RNGTT: variants seen among roughly 807,000 people sequenced by gnomAD.
RNGTT encodes mRNA-capping enzyme.
Under a neutral mutation model 79.3 loss-of-function variants are expected in RNGTT, and 33 were observed. The ratio of observed to expected loss-of-function variants is 0.42; its 90% CI spans 0.32 to 0.56. The LOEUF is 0.56. Among genes scored for constraint, RNGTT ranks in the 20% least tolerant of loss-of-function variants. The pLI is 0.17. For synonymous variants in RNGTT, 222 were observed against 235.9 expected (o/e 0.94, Z 0.54); for missense variants, 497 against 739.1 (o/e 0.67, Z 3.80).
chr6:88,817,573 C>T lies in RNGTT; in HGVS notation c.1270-15941G>A, dbSNP rs139241088. The stretch of plus-strand genomic sequence containing the variant: ...TATACACACAACACATACGTGTACA[C>T]ACACACACTCATATTCTCCAACTAT... On this transcript the variant is annotated intron_variant, in intron 11 of 15. Coordinates refer to ENST00000369485, the MANE Select transcript of RNGTT (RefSeq NM_003800.5). Among the ~76,000 whole-genome samples the T allele has an allele frequency of 2.0e-5, 3 of 147,748 alleles. No homozygotes were observed. In the East Asian group the frequency reaches 5.9e-4, roughly 29 times the overall value.
At chr6:88,646,646 T>C (rs979828603) in intron 14 of RNGTT, among the ~76,000 whole-genome samples, 13 of 152,190 alleles carry the variant, frequency 8.5e-5, no homozygotes, top group Admixed American at 6.5e-5. Flanking sequence ...ATATACACCA[T>C]GGAATACTAT....
chr6:88,615,869 G>C lies in RNGTT; in HGVS notation c.1507-1474C>G, dbSNP rs138943360. Among the ~76,000 whole-genome samples, 13 of 152,230 alleles carry C rather than the reference G, an allele frequency of 8.5e-5. No individual in the cohort carries two copies. The East Asian group carries it at 2.5e-3, about 29-fold the overall frequency. ...AATGAAACATTGCTTTTTAAAATCTGTGGTAAAAAAACATTGAATTTTCCA... is the reference window on the plus strand; with the variant it reads ...AATGAAACATTGCTTTTTAAAATCTCTGGTAAAAAAACATTGAATTTTCCA... On this transcript the variant is annotated intron_variant, in intron 14 of 15. Transcript: ENST00000369485.
chr6:88,679,305 T>A (rs1774999739), intron 13 of RNGTT, among the ~76,000 whole-genome samples: 1 of 152,134 alleles, frequency 6.6e-6, no homozygotes, highest in Non-Finnish European at 1.5e-5. Flanking sequence ...TAGATGGGAT[T>A]TGGGATTAGC....
chr6:88,731,108 CAG>C, intron 13 of RNGTT, among the ~76,000 whole-genome samples: 1 of 152,004 alleles, frequency 6.6e-6, no homozygotes, highest in East Asian at 1.9e-4. Context: ...AGCTACAACA[CAG>C]AGACTCTATT....
Position 88,941,200 on chromosome 6 carries a change from A to C in RNGTT, c.65-20T>G. On this transcript the variant is annotated intron_variant, in intron 1 of 15. Coordinates refer to ENST00000369485, the MANE Select transcript of RNGTT (RefSeq NM_003800.5). ...ATCTTCCTAAACAACACAGATAGGTAATCATTTCCATAAAAGGAAATGTTT... is the reference window on the plus strand; with the variant it reads ...ATCTTCCTAAACAACACAGATAGGTCATCATTTCCATAAAAGGAAATGTTT... The C allele has an allele frequency of 7.3e-7, 1 of 1,366,972 alleles. No homozygotes were observed. Among genetic ancestry groups the C allele is most frequent in the East Asian group, 2.3e-5 (1 of 43,556 alleles). 84.7% of individuals were successfully genotyped at this position (1,366,972 alleles called of 1,614,324 possible).
intron 11 of RNGTT, among the ~76,000 whole-genome samples, chr6:88,835,313 A>T (rs1781026205): frequency 6.6e-6 from 1 of 152,128 alleles, no homozygotes; most frequent in Non-Finnish European, 1.5e-5. Flanking sequence ...GATTCTTTGC[A>T]TGTTCTTTCA....
intron 11 of RNGTT, among the ~76,000 whole-genome samples, chr6:88,806,761 T>C (rs1166044594): frequency 2.0e-5 from 3 of 152,182 alleles, no homozygotes; most frequent in South Asian, 4.1e-4. Flanking sequence ...CCAAGGAATA[T>C]AAATCATTCT....
At chr6:88,635,142 A>C (rs1773053203) in intron 14 of RNGTT, among the ~76,000 whole-genome samples, 1 of 152,088 alleles carries the variant, frequency 6.6e-6, no homozygotes, top group Admixed American at 6.6e-5. Flanking sequence ...GGCAAAAATA[A>C]ACACAGAAGC....
intron 13 of RNGTT, among the ~76,000 whole-genome samples, chr6:88,692,502 T>C (rs1775518807): frequency 1.3e-5 from 2 of 150,604 alleles, no homozygotes; most frequent in South Asian, 4.2e-4. Context: ...ATGAATGTAA[T>C]ATTGAAAGAA....
chr6:88,680,742 C>CAA (rs34670490), intron 13 of RNGTT, among the ~76,000 whole-genome samples: 68 of 80,914 alleles, frequency 8.4e-4, no homozygotes, highest in East Asian at 2.7e-3. Flanking sequence ...AACTCTATCT[C>CAA]AAAAAAAAAA....
intron 12 of RNGTT, among the ~76,000 whole-genome samples, chr6:88,782,850 T>G (rs1239025188): frequency 6.6e-6 from 1 of 152,140 alleles, no homozygotes; most frequent in East Asian, 1.9e-4. Flanking sequence ...AAGACAGCAC[T>G]TCACATTTAC....
intron 11 of RNGTT, among the ~76,000 whole-genome samples, chr6:88,819,861 A>C (rs1431091335): frequency 1.3e-5 from 2 of 152,110 alleles, no homozygotes; most frequent in Admixed American, 1.3e-4. Context: ...AGGCATTTCT[A>C]TCTACCTGCT....
At chr6:88,661,373 C>G (rs1015355802) in intron 14 of RNGTT, among the ~76,000 whole-genome samples, 1 of 151,788 alleles carries the variant, frequency 6.6e-6, no homozygotes, top group Admixed American at 6.6e-5. Context: ...ATAAATAAAA[C>G]GAAATGCTGG....
At chr6:88,762,799 A>G (rs1778314735) in intron 13 of RNGTT, among the ~76,000 whole-genome samples, 1 of 152,254 alleles carries the variant, frequency 6.6e-6, no homozygotes. Context: ...AGTTACAGAA[A>G]CACAAGCAAC....
intron 4 of RNGTT, among the ~76,000 whole-genome samples, chr6:88,926,521 G>A (rs1036216885): frequency 6.6e-5 from 10 of 152,132 alleles, no homozygotes; most frequent in Non-Finnish European, 1.2e-4. Flanking sequence ...AACAAGTAAC[G>A]TCTCTCCATT....
chr6:88,742,158 T>C (rs558782125), intron 13 of RNGTT, among the ~76,000 whole-genome samples: 1 of 152,256 alleles, frequency 6.6e-6, no homozygotes, highest in South Asian at 2.1e-4. Context: ...AAATAGGACA[T>C]ATACACAGCA....
In RNGTT at chr6:88,614,260, T is replaced by C; in HGVS notation, c.1630+12A>G. ...TTAAATATAATAAGCACTGGTAAGTTGTCATACTCACCCATGGCAGTGTTG... is the reference window on the plus strand; with the variant it reads ...TTAAATATAATAAGCACTGGTAAGTCGTCATACTCACCCATGGCAGTGTTG... On this transcript the variant is annotated intron_variant, in intron 15 of 15. Coordinates refer to ENST00000369485, the MANE Select transcript of RNGTT (RefSeq NM_003800.5). 1 of 1,613,194 alleles carries C rather than the reference T, an allele frequency of 6.2e-7. No homozygotes were observed. Among genetic ancestry groups the C allele is most frequent in the Non-Finnish European group, 8.5e-7 (1 of 1,179,498 alleles).
intron 14 of RNGTT, among the ~76,000 whole-genome samples, chr6:88,617,810 GTCTT>G (rs966584543): frequency 1.3e-5 from 2 of 151,624 alleles, no homozygotes; most frequent in Admixed American, 6.6e-5. Context: ...AAGCACCAAT[GTCTT>G]TCTATTTATT....
intron 11 of RNGTT, among the ~76,000 whole-genome samples, chr6:88,841,942 A>G (rs1781307601): frequency 6.6e-6 from 1 of 152,218 alleles, no homozygotes; most frequent in African/African-American, 2.4e-5. Flanking sequence ...CAAGCATGGG[A>G]CCATGTGGTA....
Sources: allele counts gnomAD v4.1 joint callset (sites outside exome capture counted in the v4.1 genomes callset), GRCh38; gene constraint gnomAD v4.1.1; transcripts MANE v1.5; gene names NCBI Gene and HGNC (gene_info 2026-07-23, HGNC 2026-07-21).